Variants in ATF7IP observed in about 807,000 individuals in gnomAD.
The protein encoded by ATF7IP is activating transcription factor 7-interacting protein 1.
Under a neutral mutation model 106.4 loss-of-function variants are expected in ATF7IP, and 23 were observed. The ratio of observed to expected loss-of-function variants is 0.22; its 90% CI spans 0.16 to 0.31. The LOEUF (loss-of-function observed/expected upper bound fraction) is 0.31, where lower values mean the gene tolerates loss of function less well. Ranked by LOEUF, ATF7IP falls within the 10% of genes least tolerant of loss-of-function variation. The probability of loss-of-function intolerance (pLI) is 1.00; values close to 1 mark genes in which losing one functional copy is unlikely to be tolerated. For missense variants in ATF7IP, 1,334 were observed against 1,524.3 expected (o/e 0.88, Z 2.08); for synonymous variants, 542 against 539.0 (o/e 1.01, Z -0.08).
At chr12:14,419,716 A>G (rs1941390219) in intron 1 of ATF7IP, among the ~76,000 whole-genome samples, 1 of 152,168 alleles carries the variant, frequency 6.6e-6, no homozygotes, top group Non-Finnish European at 1.5e-5. Context: ...GTCTGTAATT[A>G]AAAACCCTTA....
At chr12:14,462,473 G>T (rs1476869088) in intron 9 of ATF7IP, among the ~76,000 whole-genome samples, 1 of 151,940 alleles carries the variant, frequency 6.6e-6, no homozygotes, top group Non-Finnish European at 1.5e-5. Flanking sequence ...TTTGAGGCAA[G>T]GTTGACATTG....
At chr12:14,470,478 G>T (rs1202270168) in intron 10 of ATF7IP, among the ~76,000 whole-genome samples, 1 of 152,186 alleles carries the variant, frequency 6.6e-6, no homozygotes, top group Non-Finnish European at 1.5e-5. Flanking sequence ...GTCAGGAAAA[G>T]ATGTAAAGAT....
At chr12:14,418,701 C>T (rs1180759884) in intron 1 of ATF7IP, among the ~76,000 whole-genome samples, 6 of 152,108 alleles carry the variant, frequency 3.9e-5, no homozygotes, top group Non-Finnish European at 7.4e-5. Flanking sequence ...ACTAATTGTT[C>T]GTGTTACTTC....
intron 1 of ATF7IP, among the ~76,000 whole-genome samples, chr12:14,417,711 T>C (rs1255397152): frequency 6.6e-6 from 1 of 152,182 alleles, no homozygotes; most frequent in African/African-American, 2.4e-5. Flanking sequence ...ATCTTATCCA[T>C]TTATGTGTGT....
intron 5 of ATF7IP, among the ~76,000 whole-genome samples, chr12:14,442,065 C>T (rs531533987): frequency 1.3e-5 from 2 of 152,252 alleles, no homozygotes; most frequent in African/African-American, 4.8e-5. Context: ...TACTTTTCTT[C>T]TATATCTGAT....
rs745997374 is a variant in ATF7IP at position 14,460,541 on chromosome 12, A to T, written c.2205A>T (p.Gln735His). 6.2e-7 allele frequency: 1 copy of T among 1,614,122 alleles called. No homozygotes were observed. ...LVTPPAVVSS[Q>H]PKLQTPVTSG... ...CTCCTCCAGCAGTTGTCAGTAGTCA[A>T]CCTAAATTGCAGACTCCAGTGACTT... Residue 735 changes from glutamine (Q) to histidine (H), a missense_variant, in exon 9 of 15, where the codon CAA (glutamine) becomes CAT (histidine). Physicochemically the swap from Gln to His is conservative, Grantham distance 24. Transcript: ENST00000261168.
In ATF7IP at chr12:14,424,440, C is replaced by T. The variant is rs752420704; in HGVS notation, c.525C>T (p.Thr175=). The T allele has an allele frequency of 6.2e-7, 1 of 1,613,414 alleles. No homozygotes were observed. The highest frequency in any genetic ancestry group is 8.5e-7 in the Non-Finnish European group (1 of 1,179,720). The stretch of plus-strand genomic sequence containing the variant: ...GTGATGCTGCCTCTGGTGATGCAAC[C>T]TCTGGTGATGCCCCTTCTGGTGATG... The part of the protein sequence containing the change: ...SSSDAASGDA[T]SGDAPSGDVS... Residue 175 remains threonine (T), a synonymous_variant, in exon 2 of 15, where the codon ACC becomes ACT. Transcript: ENST00000261168.
rs1265344438 is a variant in ATF7IP, at chr12:14,437,878, C to A, written c.1792-252C>A. On this transcript the variant is annotated intron_variant, in intron 4 of 14. Transcript: ENST00000261168. ...ACCATCCCGGCTAAAACGGTGAAAC[C>A]CCGTCTCTACTAAAAATACAAAAAA... 2.0e-5 allele frequency among the ~76,000 whole-genome samples: 3 copies of A among 151,980 alleles called. No individual in the cohort carries two copies. The East Asian group carries it at 5.8e-4, about 29-fold the overall frequency.
At chr12:14,486,881 A>G (rs560888293) in intron 13 of ATF7IP, among the ~76,000 whole-genome samples, 6 of 152,270 alleles carry the variant, frequency 3.9e-5, no homozygotes, top group Admixed American at 1.3e-4. Context: ...GGGCTCTTCA[A>G]AGATACAAGT....
chr12:14,399,030 C>A (rs962371443), intron 1 of ATF7IP, among the ~76,000 whole-genome samples: 1 of 152,072 alleles, frequency 6.6e-6, no homozygotes, highest in African/African-American at 2.4e-5. Context: ...AGTTAACTTA[C>A]ACATTGCAAT....
chr12:14,374,168 G>C (rs1938637858), intron 1 of ATF7IP, among the ~76,000 whole-genome samples: 1 of 151,132 alleles, frequency 6.6e-6, no homozygotes, highest in Admixed American at 6.6e-5. Flanking sequence ...TGTGATCATG[G>C]CTCACTGTAA....
At position 14,457,216 on chromosome 12, in the gene ATF7IP, C is replaced by T. The variant is rs1943462104; in HGVS notation, c.2079C>T (p.Gly693=). 1 of 1,612,710 alleles carries T rather than the reference C, an allele frequency of 6.2e-7. No individual in the cohort carries two copies. The highest frequency in any genetic ancestry group is 1.3e-5 in the African/African-American group (1 of 74,836). ...TATATGTATTTCATAGAAATGCAGG[C>T]ACAGTGAGACAGATGCTGGAGTCCA... is the stretch of plus-strand genomic sequence containing the variant. ...SNNNMSYRNA[G]TVRQMLESKR... The change falls in exon 8 of 15, where the codon GGC becomes GGT. Residue 693 remains glycine, a synonymous_variant. Coordinates refer to ENST00000261168, the MANE Select transcript of ATF7IP (RefSeq NM_018179.5).
chr12:14,438,009 T>C (rs896685081), intron 4 of ATF7IP, 121 bp from the exon 5 acceptor site: 29 of 854,102 alleles, frequency 3.4e-5, no homozygotes, highest in East Asian at 5.8e-5. Context: ...GCCGAGATCC[T>C]GCCACTGCAC....
At chr12:14,422,262 A>C (rs1047081484) in intron 1 of ATF7IP, among the ~76,000 whole-genome samples, 1 of 151,804 alleles carries the variant, frequency 6.6e-6, no homozygotes, top group African/African-American at 2.4e-5. Context: ...ATACTTTAAT[A>C]AGTGAATAGA....
In ATF7IP at chr12:14,398,468, C is replaced by T. The variant is rs1268115122; in HGVS notation, c.-7-25441C>T. Among the ~76,000 whole-genome samples the T allele has an allele frequency of 3.7e-4, 46 of 124,488 alleles. 1 individual carries two copies. The highest frequency in any genetic ancestry group is 5.2e-4 in the South Asian group (2 of 3,872). 81.7% of individuals were successfully genotyped at this position (124,488 alleles called of 152,430 possible). On this transcript the variant is annotated intron_variant, in intron 1 of 14. Transcript: ENST00000261168. ...TTACATTATGACTACAGAATATAGCCTTGTGGTTTTTTTTTTTTGTCTTTG... is the reference window on the plus strand; with the variant it reads ...TTACATTATGACTACAGAATATAGCTTTGTGGTTTTTTTTTTTTGTCTTTG...
intron 1 of ATF7IP, among the ~76,000 whole-genome samples, chr12:14,418,316 T>G (rs980332037): frequency 2.6e-5 from 4 of 152,148 alleles, no homozygotes; most frequent in African/African-American, 7.2e-5. Flanking sequence ...AAAAAATACT[T>G]TCAGGAGAAA....
At chr12:14,410,653 T>C (rs1174063869) in intron 1 of ATF7IP, among the ~76,000 whole-genome samples, 3 of 152,202 alleles carry the variant, frequency 2.0e-5, no homozygotes, top group Non-Finnish European at 4.4e-5. Context: ...AACTATCTTA[T>C]ACTTCTGTGA....
In ATF7IP at chr12:14,497,716, C is replaced by T. The variant is rs1016322109; in HGVS notation, c.3456C>T (p.Pro1152=). The T allele has an allele frequency of 3.7e-6, 6 of 1,614,026 alleles. No homozygotes were observed. The highest frequency in any genetic ancestry group is 1.7e-5 in the Admixed American group (1 of 59,992). Residue 1152 remains proline (P), a synonymous_variant, in exon 15 of 15, where the codon CCC becomes CCT. Coordinates refer to ENST00000261168, the MANE Select transcript of ATF7IP (RefSeq NM_018179.5). ...LPEAPQPQRL[P]PEAASTSLPQ... is the part of the protein sequence containing the mutation. Reference sequence around the variant, plus strand: ...AAGCTCCACAACCACAGCGTCTGCCCCCAGAAGCTGCCAGCACATCTCTGC... The same window carrying T: ...AAGCTCCACAACCACAGCGTCTGCCTCCAGAAGCTGCCAGCACATCTCTGC...
Position 14,486,499 on chromosome 12 carries a change from A to C in ATF7IP, c.3280+5314A>C, listed in dbSNP as rs141424070. ...GGTTCTTGGTCTGTAAACTGGCTCA[A>C]GTCTAGAGATTGATTGAGGGGTTAT... On this transcript the variant is annotated intron_variant, in intron 13 of 14. Coordinates refer to ENST00000261168, the MANE Select transcript of ATF7IP (RefSeq NM_018179.5). 1.6e-4 allele frequency among the ~76,000 whole-genome samples: 25 copies of C among 152,228 alleles called. No individual in the cohort carries two copies. The East Asian group carries it at 3.9e-3, about 24-fold the overall frequency.
Sources: gnomAD v4.1 joint callset for allele counts (sites outside exome capture counted in the v4.1 genomes callset) on GRCh38, gnomAD v4.1.1 for gene constraint, MANE v1.5 for transcripts, NCBI Gene and HGNC (gene_info 2026-07-23, HGNC 2026-07-21) for gene names.